The following MGAT4D variants were observed in gnomAD, a reference collection of about 807,000 sequenced individuals.
MGAT4D encodes the protein MGAT4 family member D.
A neutral mutation model predicts 15.9 loss-of-function variants in MGAT4D; 34 were observed. The ratio of observed to expected loss-of-function variants is 2.14; its 90% CI spans 1.62 to 2.84. MGAT4D has a LOEUF of 2.84. Ranked by LOEUF, MGAT4D falls within the 30% of genes most tolerant of loss-of-function variation. MGAT4D has a pLI of 0.00. For synonymous variants in MGAT4D, 112 were observed against 48.2 expected (o/e 2.33, Z -5.49); for missense variants, 327 against 140.2 (o/e 2.33, Z -6.73).
chr4:140,458,507 T>TA (rs1398602248), intron 8 of MGAT4D: 1 of 152,162 alleles, frequency 6.6e-6, no homozygotes, highest in African/African-American at 2.4e-5. Context: ...ATTGTTGACG[T>TA]AAAAAAATTA....
chr4:140,474,482 A>G (rs1042860496), intron 4 of MGAT4D, among the ~76,000 whole-genome samples: 1 of 152,190 alleles, frequency 6.6e-6, no homozygotes, highest in African/African-American at 2.4e-5. Flanking sequence ...GATTTTAATA[A>G]TTTTAATTTT....
At chr4:140,475,045 C>T (rs191954543) in intron 3 of MGAT4D, 99 bp from the exon 4 acceptor site, 43 of 431,120 alleles carry the variant, frequency 1.0e-4, no homozygotes, top group Admixed American at 9.4e-4. Context: ...GTTAGTCTTA[C>T]GGTAACAAAA....
At chr4:140,489,577 T>C (rs887877310) in intron 1 of MGAT4D, among the ~76,000 whole-genome samples, 6 of 152,214 alleles carry the variant, frequency 3.9e-5, no homozygotes, top group Non-Finnish European at 7.3e-5. Context: ...TTTTACTATT[T>C]TTGCAAGCTG....
intron 1 of MGAT4D, among the ~76,000 whole-genome samples, chr4:140,496,926 T>A (rs1289882248): frequency 1.3e-5 from 2 of 152,200 alleles, no homozygotes; most frequent in Non-Finnish European, 2.9e-5. Flanking sequence ...TATTGTTCAT[T>A]GTGCTAAAAT....
rs544850922 is a variant in MGAT4D, at chr4:140,493,180, C to T, written c.94+4949G>A. 2.0e-5 allele frequency among the ~76,000 whole-genome samples: 3 copies of T among 152,148 alleles called. No homozygotes were observed. The South Asian group carries it at 6.2e-4, about 32-fold the overall frequency. On this transcript the variant is annotated intron_variant, in intron 1 of 10. Coordinates refer to ENST00000511113, the MANE Select transcript of MGAT4D (RefSeq NM_001277353.2). ...AATAGCTCATCACTCAAGCTAATAA[C>T]TGAAAGTTACCCGATGCCTCGGCTA...
chr4:140,486,689 T>C (rs1733157449), intron 1 of MGAT4D, among the ~76,000 whole-genome samples: 1 of 152,244 alleles, frequency 6.6e-6, no homozygotes, highest in Admixed American at 6.5e-5. Context: ...GCGATTTGCA[T>C]ATAGTTCTTA....
chr4:140,472,264 G>T (rs781674058), intron 4 of MGAT4D, among the ~76,000 whole-genome samples: 32 of 152,110 alleles, frequency 2.1e-4, no homozygotes, highest in South Asian at 1.5e-3. Flanking sequence ...TCTCCAGACA[G>T]TATTACTCAG....
intron 5 of MGAT4D, among the ~76,000 whole-genome samples, chr4:140,468,300 C>A (rs896085233): frequency 6.6e-6 from 1 of 152,090 alleles, no homozygotes; most frequent in African/African-American, 2.4e-5. Flanking sequence ...AACTACAATA[C>A]GGCAATTTCT....
chr4:140,449,676 C>T lies in MGAT4D; in HGVS notation c.1116+1734G>A, dbSNP rs757711495. ...TTGGGAGGCTGAGGCAGGAGAATGG[C>T]GTGAACCTGGGAGGCAGAGCTTGCA... On this transcript the variant is annotated intron_variant, in intron 10 of 10. Coordinates refer to ENST00000511113, the MANE Select transcript of MGAT4D (RefSeq NM_001277353.2). 9.2e-5 allele frequency among the ~76,000 whole-genome samples: 14 copies of T among 152,200 alleles called. No individual in the cohort carries two copies. The South Asian group carries it at 1.7e-3, about 18-fold the overall frequency.
rs149257322 is a variant in MGAT4D, at chr4:140,451,561, T to C, written c.1009-44A>G. 9.0e-4 allele frequency: 444 copies of C among 493,168 alleles called. 4 individuals carry two copies. The highest frequency in any genetic ancestry group is 7.8e-3 in the African/African-American group (400 of 51,090). 30.5% of individuals were successfully genotyped at this position (493,168 alleles called of 1,614,324 possible). On this transcript the variant is annotated intron_variant, in intron 9 of 10. Transcript: ENST00000511113. ...CAATCTTCTGTAAAAACCCAGGTAT[T>C]GCTTTGTATTGCGTTTACTGATGGT...
intron 2 of MGAT4D, among the ~76,000 whole-genome samples, chr4:140,480,056 G>T (rs1323509255): frequency 6.6e-6 from 1 of 152,054 alleles, no homozygotes; most frequent in African/African-American, 2.4e-5. Context: ...TTTTGAAAAA[G>T]AAAATGTTAG....
intron 1 of MGAT4D, among the ~76,000 whole-genome samples, chr4:140,492,812 A>G (rs1305733183): frequency 6.6e-6 from 1 of 152,194 alleles, no homozygotes; most frequent in African/African-American, 2.4e-5. Flanking sequence ...CTCTTTAAAA[A>G]CAGGAATGAG....
chr4:140,490,931 T>C (rs1733462299), intron 1 of MGAT4D, among the ~76,000 whole-genome samples: 8 of 152,244 alleles, frequency 5.3e-5, no homozygotes, highest in Admixed American at 4.6e-4. Flanking sequence ...ATTAGTGATA[T>C]AGTTATGCTA....
intron 1 of MGAT4D, among the ~76,000 whole-genome samples, chr4:140,487,928 C>T (rs1184005124): frequency 6.6e-6 from 1 of 152,164 alleles, no homozygotes; most frequent in African/African-American, 2.4e-5. Flanking sequence ...GGCCTCACCC[C>T]AGACTTCAGA....
Position 140,449,299 on chromosome 4 carries a change from G to C in MGAT4D, c.1116+2111C>G, listed in dbSNP as rs146990648. Among the ~76,000 whole-genome samples the C allele has an allele frequency of 5.0e-4, 76 of 152,046 alleles. 1 individual carries two copies. The East Asian group carries it at 0.013, about 27-fold the overall frequency. ...AAAAAGCATTTAAACTGACAATCTAGGCAAATTTCAAAAAATTTAAAAACT... is the reference window on the plus strand; with the variant it reads ...AAAAAGCATTTAAACTGACAATCTACGCAAATTTCAAAAAATTTAAAAACT... On this transcript the variant is annotated intron_variant, in intron 10 of 10. Transcript: ENST00000511113.
At chr4:140,493,209 C>T (rs1299017469) in intron 1 of MGAT4D, among the ~76,000 whole-genome samples, 1 of 152,042 alleles carries the variant, frequency 6.6e-6, no homozygotes, top group East Asian at 1.9e-4. Context: ...TCGGCTACCA[C>T]CTCTGATTCC....
intron 10 of MGAT4D, 118 bp from the exon 11 acceptor site, chr4:140,443,562 C>T (rs1040493437): frequency 3.0e-6 from 1 of 338,226 alleles, no homozygotes; most frequent in African/African-American, 2.1e-5. Context: ...TCTTTGATAC[C>T]ACCCACACTT....
At chr4:140,479,009 G>A (rs1732522811) in intron 3 of MGAT4D, among the ~76,000 whole-genome samples, 2 of 152,170 alleles carry the variant, frequency 1.3e-5, no homozygotes, top group Non-Finnish European at 2.9e-5. Context: ...GGTATCCTGA[G>A]ACTTAGCTTA....
intron 1 of MGAT4D, among the ~76,000 whole-genome samples, chr4:140,485,011 G>C (rs924506621): frequency 7.9e-5 from 12 of 152,192 alleles, no homozygotes; most frequent in Admixed American, 4.6e-4. Flanking sequence ...CAGGGATCTA[G>C]AACTGGAAAT....
Sources: allele counts gnomAD v4.1 joint callset (sites outside exome capture counted in the v4.1 genomes callset), GRCh38; gene constraint gnomAD v4.1.1; transcripts MANE v1.5; gene names NCBI Gene and HGNC (gene_info 2026-07-23, HGNC 2026-07-21).